The following DGKG variants were observed in gnomAD, a reference collection of about 807,000 sequenced individuals.
The protein encoded by DGKG is diacylglycerol kinase gamma, also known as DAG kinase gamma.
In DGKG, 78 loss-of-function variants were observed where a neutral mutation model predicts 105.3. The ratio of observed to expected loss-of-function variants is 0.74; its 90% CI spans 0.62 to 0.89. DGKG has a LOEUF of 0.89. Ranked by LOEUF, DGKG falls within the 40% of genes least tolerant of loss-of-function variation. The pLI, the probability that DGKG is intolerant of heterozygous loss-of-function variation, is 0.00. For synonymous variants in DGKG, 346 were observed against 367.1 expected, an observed-to-expected ratio of 0.94 and a Z score of 0.66; for missense variants, 958 against 1,020.1, an observed-to-expected ratio of 0.94 and a Z score of 0.83.
At position 186,161,618 on chromosome 3, in the gene DGKG, C is replaced by T. The variant is rs371814072; in HGVS notation, c.2262G>A (p.Met754Ile). 22 of 1,614,098 alleles carry T rather than the reference C, an allele frequency of 1.4e-5. No homozygotes were observed. Among genetic ancestry groups the T allele is most frequent in the Non-Finnish European group, 1.2e-5 (14 of 1,180,030 alleles). ...CAAGACTCACCGTGCAACATGGCTG[C>T]ATCCAGGGTTCTCCATCCACTTGCA... ...LPMQVDGEPW[M>I]QPCCTIKITH... The change falls in exon 24 of 25, where the codon ATG becomes ATA. Residue 754 changes from methionine to isoleucine, a missense_variant. This residue lies in a region of DGKG where 315 missense variants were observed against 400.6 expected (regional missense o/e 0.79). Coordinates refer to ENST00000265022, the MANE Select transcript of DGKG (RefSeq NM_001346.3).
At chr3:186,234,446 C>T (rs148722037) in intron 20 of DGKG, among the ~76,000 whole-genome samples, 5 of 152,340 alleles carry the variant, frequency 3.3e-5, no homozygotes, top group African/African-American at 1.2e-4. Context: ...ACTGATTACA[C>T]ATTACATCTT....
At chr3:186,302,959 C>G (rs540767728) in intron 3 of DGKG, among the ~76,000 whole-genome samples, 1 of 152,296 alleles carries the variant, frequency 6.6e-6, no homozygotes, top group South Asian at 2.1e-4. Flanking sequence ...ACTCAGTCTT[C>G]TGATGCCTCC....
intron 17 of DGKG, among the ~76,000 whole-genome samples, chr3:186,256,245 G>A (rs896645258): frequency 2.0e-5 from 3 of 152,108 alleles, no homozygotes; most frequent in Admixed American, 6.6e-5. Context: ...GGGGAGTGGC[G>A]GGCGGCAGGT....
At chr3:186,260,682 C>T (rs925876148) in intron 15 of DGKG, among the ~76,000 whole-genome samples, 169 bp from the exon 16 acceptor site, 8 of 152,192 alleles carry the variant, frequency 5.3e-5, no homozygotes, top group African/African-American at 1.9e-4. Context: ...CGTCCAGGTT[C>T]CACCTGGCAT....
Position 186,149,453 on chromosome 3 carries a change from C to T in DGKG, c.*637G>A, listed in dbSNP as rs551790466. The T allele has an allele frequency of 5.3e-5, 52 of 985,420 alleles. No individual in the cohort carries two copies. Among genetic ancestry groups the T allele is most frequent in the African/African-American group, 3.7e-4 (21 of 57,342 alleles). 61.0% of individuals were successfully genotyped at this position (985,420 alleles called of 1,614,324 possible). A position where few individuals can be genotyped will look rare whatever the true frequency, so the allele number is the denominator to read the frequency against. ...TTCCTGGAAAATAACAAGTGCCCAC[C>T]GACGGCGCAGAAACCCAAGAATGGA... On this transcript the variant is annotated 3_prime_UTR_variant, in exon 25 of 25. Coordinates refer to ENST00000265022, the MANE Select transcript of DGKG (RefSeq NM_001346.3).
In DGKG at chr3:186,288,882, T is replaced by C; in HGVS notation, c.374-2A>G. ...CTTGCTTCTCAGCCATATTTGATTC[T>C]GCGATGAACAAAAGGAAAACATCCA... On this transcript the variant is annotated splice_acceptor_variant, in intron 5 of 24. Transcript: ENST00000265022. LOFTEE classifies it high-confidence loss of function. The C allele has an allele frequency of 6.4e-7, 1 of 1,550,760 alleles. No homozygotes were observed. The highest frequency in any genetic ancestry group is 1.4e-5 in the African/African-American group (1 of 72,082).
chr3:186,278,988 C>T (rs1042249417), intron 9 of DGKG: 1 of 152,186 alleles, frequency 6.6e-6, no homozygotes, highest in African/African-American at 2.4e-5. Context: ...AATACAGTAA[C>T]TGGGTCAGAT....
chr3:186,201,379 C>G (rs1560092036), intron 21 of DGKG, among the ~76,000 whole-genome samples: 1 of 151,990 alleles, frequency 6.6e-6, no homozygotes, highest in Non-Finnish European at 1.5e-5. Flanking sequence ...GAATGGAGAC[C>G]CTTTCTGCCC....
chr3:186,152,311 C>T (rs1715799561), intron 24 of DGKG, among the ~76,000 whole-genome samples: 1 of 152,148 alleles, frequency 6.6e-6, no homozygotes, highest in African/African-American at 2.4e-5. Flanking sequence ...TTATTGTGGG[C>T]ATTATGTTTA....
chr3:186,261,901 T>A (rs1259310243), intron 14 of DGKG, 123 bp from the exon 15 acceptor site: 7 of 629,816 alleles, frequency 1.1e-5, no homozygotes, highest in Non-Finnish European at 1.4e-5. Context: ...CAGTCAGGTG[T>A]TTTTCCACTG....
intron 1 of DGKG, among the ~76,000 whole-genome samples, chr3:186,326,117 C>T (rs1213410026): frequency 6.6e-6 from 1 of 152,074 alleles, no homozygotes; most frequent in African/African-American, 2.4e-5. Context: ...GTGTGCTGGG[C>T]GTGGTGGCTC....
intron 6 of DGKG, among the ~76,000 whole-genome samples, chr3:186,288,036 C>T (rs751100461): frequency 3.3e-5 from 5 of 152,206 alleles, no homozygotes; most frequent in Non-Finnish European, 7.3e-5. Context: ...TGGACTGAAT[C>T]ATCTACAAGA....
chr3:186,228,485 T>G (rs2108537298), intron 20 of DGKG, among the ~76,000 whole-genome samples: 1 of 152,306 alleles, frequency 6.6e-6, no homozygotes, highest in South Asian at 2.1e-4. Flanking sequence ...AAAAAGCACT[T>G]ACTGATGGAT....
rs1172455307 is a variant in DGKG at position 186,284,350 on chromosome 3, GA to G, written c.594+309del. 6.6e-6 allele frequency among the ~76,000 whole-genome samples: 1 copy of G among 152,112 alleles called. No individual in the cohort carries two copies. The highest frequency in any genetic ancestry group is 1.5e-5 in the Non-Finnish European group (1 of 68,024). ...CCTCTTGGCCTCAGGACTCCTGCAG[GA>G]AATTGCAGGAGGCGCTTGTGAACTG... On this transcript the variant is annotated intron_variant, in intron 7 of 24. Transcript: ENST00000265022. This position sits in a 1 kb window ranked among gnomAD's most constrained non-coding sequence, Gnocchi z 4.0.
intron 2 of DGKG, among the ~76,000 whole-genome samples, chr3:186,311,033 T>C (rs142179495): frequency 0.011 from 1,648 of 152,340 alleles, 30 homozygotes; most frequent in African/African-American, 0.037. Context: ...TGAACACTGG[T>C]AAGTTAGAAG....
intron 20 of DGKG, among the ~76,000 whole-genome samples, chr3:186,233,565 C>T (rs1391050576): frequency 1.3e-5 from 2 of 152,174 alleles, no homozygotes; most frequent in East Asian, 3.9e-4. Context: ...CTGCAAGCTC[C>T]GCCTCCCGGG....
At chr3:186,160,724 C>T in intron 24 of DGKG, 2 of 985,386 alleles carry the variant, frequency 2.0e-6, no homozygotes, top group Non-Finnish European at 2.4e-6. Context: ...TAGCTGCAAT[C>T]TTATTGAGGG....
intron 24 of DGKG, among the ~76,000 whole-genome samples, chr3:186,154,858 A>C (rs1432055293): frequency 3.9e-5 from 6 of 152,120 alleles, no homozygotes; most frequent in African/African-American, 1.4e-4. Context: ...ATCCAGACTT[A>C]CTGAACCAGA....
intron 19 of DGKG, among the ~76,000 whole-genome samples, chr3:186,250,407 G>A (rs1225545141): frequency 6.6e-6 from 1 of 151,942 alleles, no homozygotes; most frequent in Admixed American, 6.6e-5. Context: ...GGGATGATGT[G>A]TGCAGCAACT....
Sources: gnomAD v4.1 joint callset for allele counts (sites outside exome capture counted in the v4.1 genomes callset) on GRCh38, gnomAD v4.1.1 for gene constraint, gnomAD v4.1.1 regional missense constraint, Gnocchi (gnomAD v3.1) non-coding constraint, MANE v1.5 for transcripts, NCBI Gene and HGNC (gene_info 2026-07-23, HGNC 2026-07-21) for gene names.